Variants in PRKCA observed in about 807,000 individuals in gnomAD.
PRKCA encodes the protein protein kinase C alpha.
A neutral mutation model predicts 87.0 loss-of-function variants in PRKCA; 27 were observed. The observed-to-expected ratio is 0.31, with a 90% CI of 0.23 to 0.43. The LOEUF is 0.43. Ranked by LOEUF, PRKCA falls within the 20% of genes least tolerant of loss-of-function variation. The pLI, the probability that PRKCA is intolerant of heterozygous loss-of-function variation, is 1.00. For missense variants in PRKCA, 518 were observed against 852.3 expected (o/e 0.61, Z 4.88); for synonymous variants, 329 against 311.1 (o/e 1.06, Z -0.61).
intron 2 of PRKCA, among the ~76,000 whole-genome samples, chr17:66,424,237 T>A (rs1156978875): frequency 2.0e-5 from 3 of 152,146 alleles, no homozygotes; most frequent in Admixed American, 2.0e-4. Context: ...GATGCCTATC[T>A]AATATAAACT....
At chr17:66,589,328 A>G (rs1969722803) in intron 3 of PRKCA, among the ~76,000 whole-genome samples, 1 of 152,190 alleles carries the variant, frequency 6.6e-6, no homozygotes, top group African/African-American at 2.4e-5. Flanking sequence ...TGTGAATATC[A>G]TATAACTAAA....
chr17:66,665,433 C>T (rs1598856602), intron 5 of PRKCA, among the ~76,000 whole-genome samples: 1 of 152,172 alleles, frequency 6.6e-6, no homozygotes, highest in South Asian at 2.1e-4. Flanking sequence ...CTCCCAACAC[C>T]CTGCACAGTG....
chr17:66,325,221 T>C (rs995708835), intron 2 of PRKCA, among the ~76,000 whole-genome samples: 43 of 152,352 alleles, frequency 2.8e-4, no homozygotes, highest in African/African-American at 1.0e-3. Context: ...TTAGAATGGG[T>C]TGGGGAGTGG....
intron 2 of PRKCA, among the ~76,000 whole-genome samples, chr17:66,368,395 T>A (rs1472647835): frequency 5.3e-5 from 6 of 113,340 alleles, no homozygotes; most frequent in African/African-American, 1.8e-4. Flanking sequence ...TATTTTTTTT[T>A]TTTTTTTTTT....
chr17:66,659,341 T>A (rs1971827305), intron 5 of PRKCA, among the ~76,000 whole-genome samples: 1 of 151,990 alleles, frequency 6.6e-6, no homozygotes, highest in South Asian at 2.1e-4. Flanking sequence ...GTTACTCTGA[T>A]TGAAGGGAAG....
intron 13 of PRKCA, among the ~76,000 whole-genome samples, chr17:66,761,575 G>GCCTC (rs1309018656): frequency 4.0e-5 from 6 of 151,652 alleles, no homozygotes; most frequent in African/African-American, 1.5e-4. Flanking sequence ...TCATGCCCCA[G>GCCTC]CCTCCCGAGC....
chr17:66,755,911 A>G (rs1217548140), intron 13 of PRKCA, among the ~76,000 whole-genome samples: 1 of 152,202 alleles, frequency 6.6e-6, no homozygotes, highest in East Asian at 1.9e-4. Context: ...GTAACAGGGC[A>G]AACCACTGTC....
chr17:66,699,783 C>G (rs182769575), intron 8 of PRKCA, among the ~76,000 whole-genome samples: 1 of 152,304 alleles, frequency 6.6e-6, no homozygotes, highest in East Asian at 1.9e-4. Flanking sequence ...GATGTGTTGC[C>G]CAGGCTGGTC....
At chr17:66,347,901 A>G (rs1598607469) in intron 2 of PRKCA, among the ~76,000 whole-genome samples, 1 of 143,694 alleles carries the variant, frequency 7.0e-6, no homozygotes, top group East Asian at 2.2e-4. Context: ...AGTGTAGCCA[A>G]ATGCTTTATG....
chr17:66,344,030 T>G (rs1288997095), intron 2 of PRKCA, among the ~76,000 whole-genome samples: 2 of 152,138 alleles, frequency 1.3e-5, no homozygotes, highest in South Asian at 4.1e-4. Context: ...CCTTCCATAT[T>G]TTTCATTAGG....
In PRKCA at chr17:66,803,447, T is replaced by C. The variant is rs917059631; in HGVS notation, c.1855-426T>C. On this transcript the variant is annotated intron_variant, in intron 16 of 16. Coordinates refer to ENST00000413366, the MANE Select transcript of PRKCA (RefSeq NM_002737.3). The surrounding 1 kb of genome is among the most constrained non-coding windows in gnomAD (Gnocchi z 4.4). ...CGGCAAAAAAACAGATGTGGGGCAGTAACTCACCCCGTCGCTTGGTCCAGG... is the reference window on the plus strand; with the variant it reads ...CGGCAAAAAAACAGATGTGGGGCAGCAACTCACCCCGTCGCTTGGTCCAGG... Among the ~76,000 whole-genome samples, 2 of 152,222 alleles carry C rather than the reference T, an allele frequency of 1.3e-5. No homozygotes were observed. The highest frequency in any genetic ancestry group is 3.8e-4 in the East Asian group (2 of 5,198).
chr17:66,556,914 C>T (rs1011494546), intron 3 of PRKCA, among the ~76,000 whole-genome samples: 7 of 152,178 alleles, frequency 4.6e-5, no homozygotes, highest in Admixed American at 3.3e-4. Flanking sequence ...TACACTACTA[C>T]CTGATACTCC....
chr17:66,512,998 C>G (rs1917309472), intron 3 of PRKCA, among the ~76,000 whole-genome samples: 1 of 152,182 alleles, frequency 6.6e-6, no homozygotes, highest in African/African-American at 2.4e-5. Flanking sequence ...TGGTCCCCCT[C>G]ATTATTTTCT....
chr17:66,514,160 A>G (rs1335269172), intron 3 of PRKCA, among the ~76,000 whole-genome samples: 3 of 152,174 alleles, frequency 2.0e-5, no homozygotes, highest in East Asian at 1.9e-4. Flanking sequence ...TAACATGGGT[A>G]TGTACATATA....
At chr17:66,402,898 CAG>C (rs1210660974) in intron 2 of PRKCA, among the ~76,000 whole-genome samples, 1 of 152,110 alleles carries the variant, frequency 6.6e-6, no homozygotes, top group Non-Finnish European at 1.5e-5. Context: ...GGACAGTAAA[CAG>C]AGTTGGATAG....
chr17:66,586,601 G>C (rs1381451450), intron 3 of PRKCA, among the ~76,000 whole-genome samples: 1 of 152,188 alleles, frequency 6.6e-6, no homozygotes. Flanking sequence ...CCAGCCTGAA[G>C]TCAGACCCTT....
intron 2 of PRKCA, among the ~76,000 whole-genome samples, chr17:66,374,570 C>T (rs1285986077): frequency 6.6e-6 from 1 of 152,116 alleles, no homozygotes; most frequent in Admixed American, 6.5e-5. Flanking sequence ...ATTAATTAAG[C>T]AAGCAAGCAA....
intron 2 of PRKCA, among the ~76,000 whole-genome samples, chr17:66,470,214 A>T (rs1220566875): frequency 1.8e-5 from 2 of 113,334 alleles, no homozygotes; most frequent in African/African-American, 9.8e-5. Context: ...TTTTTTTTTA[A>T]AAGACAGAGT....
chr17:66,489,979 C>T (rs770807567), intron 2 of PRKCA, among the ~76,000 whole-genome samples: 1 of 151,992 alleles, frequency 6.6e-6, no homozygotes, highest in Non-Finnish European at 1.5e-5. Context: ...CAGGGTTTCA[C>T]CATGTTGGCC....
Sources: gnomAD v4.1 joint callset for allele counts (sites outside exome capture counted in the v4.1 genomes callset) on GRCh38, gnomAD v4.1.1 for gene constraint, Gnocchi (gnomAD v3.1) non-coding constraint, MANE v1.5 for transcripts, NCBI Gene and HGNC (gene_info 2026-07-23, HGNC 2026-07-21) for gene names.